The following PCDHGA10 variants were observed in gnomAD, a reference collection of about 807,000 sequenced individuals.
The protein encoded by PCDHGA10 is protocadherin gamma-A10.
Under a neutral mutation model 59.5 loss-of-function variants are expected in PCDHGA10, and 42 were observed. That is an observed-to-expected ratio of 0.71 (90% CI 0.55 to 0.91). The LOEUF (loss-of-function observed/expected upper bound fraction) is 0.91, where lower values mean the gene tolerates loss of function less well. Among genes scored for constraint, PCDHGA10 ranks in the 40% least tolerant of loss-of-function variants. PCDHGA10 has a pLI of 0.00. For synonymous variants in PCDHGA10, 511 were observed against 517.2 expected, an observed-to-expected ratio of 0.99 and a Z score of 0.16; for missense variants, 1,111 against 1,198.2, an observed-to-expected ratio of 0.93 and a Z score of 1.07.
chr5:141,473,887 C>T (rs887871337), intron 1 of PCDHGA10, among the ~76,000 whole-genome samples: 3 of 152,144 alleles, frequency 2.0e-5, no homozygotes, highest in Non-Finnish European at 2.9e-5. Context: ...CACAAGGGTT[C>T]TGTTGGTTCA....
chr5:141,490,652 C>A lies in PCDHGA10; in HGVS notation c.2437-4155C>A. ...ATCCTAGAAAACCGGCCTCCGGGCT[C>A]CCTTCTTTGCACTGTGGCTGCCTCA... On this transcript the variant is annotated intron_variant, in intron 1 of 3. Transcript: ENST00000398610. The surrounding 1 kb of genome is among the most constrained non-coding windows in gnomAD (Gnocchi z 5.4). 6.2e-7 allele frequency: 1 copy of A among 1,614,208 alleles called. No individual in the cohort carries two copies. Among genetic ancestry groups the A allele is most frequent in the Non-Finnish European group, 8.5e-7 (1 of 1,180,026 alleles).
rs2096315825 is a variant in PCDHGA10 at position 141,419,028 on chromosome 5, T to C, written c.2436+3417T>C. On this transcript the variant is annotated intron_variant, in intron 1 of 3. Coordinates refer to ENST00000398610, the MANE Select transcript of PCDHGA10 (RefSeq NM_018913.3). ...GTCAGGTGTAGCTTAAGTAGAGGTG[T>C]TCCATTTAAGATTCATTCTTCTTCT... 5.0e-6 allele frequency: 8 copies of C among 1,613,638 alleles called. No individual in the cohort carries two copies. The South Asian group carries it at 8.8e-5, about 18-fold the overall frequency.
intron 1 of PCDHGA10, chr5:141,478,760 C>T (rs1472984737): frequency 1.5e-5 from 23 of 1,510,888 alleles, no homozygotes; most frequent in Non-Finnish European, 1.9e-5. Context: ...GGGGAAGATA[C>T]TTGACTCATC....
In PCDHGA10 at chr5:141,476,718, C is replaced by T; in HGVS notation, c.2437-18089C>T. On this transcript the variant is annotated intron_variant, in intron 1 of 3. Transcript: ENST00000398610. The surrounding 1 kb of genome is among the most constrained non-coding windows in gnomAD (Gnocchi z 7.6). ...TACGCGGAGCTGGTGTTGGAGCGCG[C>T]CCTGGACCGAGAACGGGAGCCTAGT... The T allele has an allele frequency of 1.2e-6, 2 of 1,614,144 alleles. No individual in the cohort carries two copies. The highest frequency in any genetic ancestry group is 2.2e-5 in the East Asian group (1 of 44,874).
intron 1 of PCDHGA10, among the ~76,000 whole-genome samples, chr5:141,449,588 C>CAA (rs768743917): frequency 2.4e-4 from 14 of 57,430 alleles, no homozygotes; most frequent in Non-Finnish European, 3.7e-4. Flanking sequence ...GACTCTGTCT[C>CAA]AAAAAAAAAA....
At chr5:141,430,557 G>C (rs1161595629) in intron 1 of PCDHGA10, 5 of 412,906 alleles carry the variant, frequency 1.2e-5, no homozygotes, top group Non-Finnish European at 1.7e-5. Context: ...TTCACCAATC[G>C]GGGAGAGAAA....
In PCDHGA10 at chr5:141,494,860, C is replaced by T. The variant is rs372794752; in HGVS notation, c.2490C>T (p.Thr830=). Residue 830 remains threonine, a synonymous_variant, in exon 2 of 4, where the codon ACC becomes ACT. Coordinates refer to ENST00000398610, the MANE Select transcript of PCDHGA10 (RefSeq NM_018913.3). ...TCTCTCAGGCCCAGAGACCCGGCAC[C>T]AGCGGGTAGGTGACTGATTCTCCAG... ...WRFSQAQRPG[T]SGSQNGDDTG... 5.6e-6 allele frequency: 9 copies of T among 1,614,032 alleles called. No homozygotes were observed. Among genetic ancestry groups the T allele is most frequent in the Non-Finnish European group, 7.6e-6 (9 of 1,180,024 alleles).
chr5:141,481,401 CT>C (rs2099537157), intron 1 of PCDHGA10, among the ~76,000 whole-genome samples: 1 of 152,204 alleles, frequency 6.6e-6, no homozygotes, highest in African/African-American at 2.4e-5. Flanking sequence ...TGACAAAATT[CT>C]TGTATAATTA....
chr5:141,487,256 G>A lies in PCDHGA10; in HGVS notation c.2437-7551G>A. ...ATCTCGTCTAACCCTCTACTTGGCTGTGTCCCTAGTGGCAATTTGCTTTGT... is the reference window on the plus strand; with the variant it reads ...ATCTCGTCTAACCCTCTACTTGGCTATGTCCCTAGTGGCAATTTGCTTTGT... On this transcript the variant is annotated intron_variant, in intron 1 of 3. Transcript: ENST00000398610. The surrounding 1 kb of genome is among the most constrained non-coding windows in gnomAD (Gnocchi z 5.0). The A allele has an allele frequency of 6.2e-7, 1 of 1,614,166 alleles. No individual in the cohort carries two copies. The highest frequency in any genetic ancestry group is 8.5e-7 in the Non-Finnish European group (1 of 1,180,032).
intron 1 of PCDHGA10, among the ~76,000 whole-genome samples, chr5:141,459,109 C>A (rs1213203625): frequency 6.6e-6 from 1 of 152,174 alleles, no homozygotes; most frequent in Non-Finnish European, 1.5e-5. Context: ...TGCATTTTGA[C>A]AATTGTTTAC....
chr5:141,419,423 C>A, intron 1 of PCDHGA10: 1 of 1,613,368 alleles, frequency 6.2e-7, no homozygotes, highest in Non-Finnish European at 8.5e-7. Context: ...CGCCTTCGAC[C>A]ACGAGCAGCT....
At chr5:141,430,752 A>C (rs772436100) in intron 1 of PCDHGA10, 1 of 1,501,400 alleles carries the variant, frequency 6.7e-7, no homozygotes, top group East Asian at 2.3e-5. Context: ...TTCTGGAGGA[A>C]GATAAGAATG....
chr5:141,432,395 G>C lies in PCDHGA10; in HGVS notation c.2436+16784G>C, dbSNP rs748660079. The C allele has an allele frequency of 1.2e-6, 2 of 1,614,242 alleles. No homozygotes were observed. The highest frequency in any genetic ancestry group is 4.5e-5 in the East Asian group (2 of 44,882). On this transcript the variant is annotated intron_variant, in intron 1 of 3. Coordinates refer to ENST00000398610, the MANE Select transcript of PCDHGA10 (RefSeq NM_018913.3). The surrounding 1 kb of genome is among the most constrained non-coding windows in gnomAD (Gnocchi z 6.0). The stretch of plus-strand genomic sequence containing the variant: ...CGGGCACCCGCCCCTCAGCAGCAAC[G>C]TGTCGTTGAGCCTGTTCGTGCTGGA...
chr5:141,487,920 C>G lies in PCDHGA10; in HGVS notation c.2437-6887C>G, dbSNP rs561819225. On this transcript the variant is annotated intron_variant, in intron 1 of 3. Coordinates refer to ENST00000398610, the MANE Select transcript of PCDHGA10 (RefSeq NM_018913.3). This position sits in a 1 kb window ranked among gnomAD's most constrained non-coding sequence, Gnocchi z 5.0. ...TGGAATGTGGGAGCACAGGAGGCTA[C>G]AGTGCACAGGGTACAGTGCACCAGG... The G allele has an allele frequency of 4.7e-6, 3 of 644,662 alleles. No individual in the cohort carries two copies. The Admixed American group carries it at 8.5e-5, about 18-fold the overall frequency. 39.9% of individuals were successfully genotyped at this position (644,662 alleles called of 1,614,324 possible).
chr5:141,437,306 C>T (rs1462689998), intron 1 of PCDHGA10, among the ~76,000 whole-genome samples: 1 of 152,104 alleles, frequency 6.6e-6, no homozygotes, highest in Non-Finnish European at 1.5e-5. Flanking sequence ...CAAGTTAAAG[C>T]GTTCAGCTAT....
In PCDHGA10 at chr5:141,476,978, C is replaced by G; in HGVS notation, c.2437-17829C>G. 1.2e-6 allele frequency: 2 copies of G among 1,614,256 alleles called. No individual in the cohort carries two copies. Among genetic ancestry groups the G allele is most frequent in the Non-Finnish European group, 1.7e-6 (2 of 1,180,058 alleles). Reference sequence around the variant, plus strand: ...TATTTACTCCTTCGGCAGCCACAACCGCGCCGGCGTGCGGCAACTATTCGC... The same window carrying G: ...TATTTACTCCTTCGGCAGCCACAACGGCGCCGGCGTGCGGCAACTATTCGC... On this transcript the variant is annotated intron_variant, in intron 1 of 3. Transcript: ENST00000398610. This position sits in a 1 kb window ranked among gnomAD's most constrained non-coding sequence, Gnocchi z 7.6.
chr5:141,421,611 T>C lies in PCDHGA10; in HGVS notation c.2436+6000T>C, dbSNP rs747573417. 6.8e-6 allele frequency: 11 copies of C among 1,613,694 alleles called. No homozygotes were observed. The African/African-American group carries it at 1.3e-4, about 20-fold the overall frequency. On this transcript the variant is annotated intron_variant, in intron 1 of 3. Transcript: ENST00000398610. ...TGGAGGTGGAAATAATAGATATTAA[T>C]GATAACGCCCCCAGCTTCCAGGAGG...
rs554661873 is a variant in PCDHGA10, at chr5:141,487,723, T to C, written c.2437-7084T>C. ...GCCTCTCAGTAAGTGCCCATAGTGATGTCACCATTTTTGTAAGAGGTAACT... is the reference window on the plus strand; with the variant it reads ...GCCTCTCAGTAAGTGCCCATAGTGACGTCACCATTTTTGTAAGAGGTAACT... On this transcript the variant is annotated intron_variant, in intron 1 of 3. Transcript: ENST00000398610. The surrounding 1 kb of genome is among the most constrained non-coding windows in gnomAD (Gnocchi z 5.0). The C allele has an allele frequency of 2.6e-5, 41 of 1,574,932 alleles. No homozygotes were observed. Among genetic ancestry groups the C allele is most frequent in the Non-Finnish European group, 5.2e-6 (6 of 1,158,382 alleles).
chr5:141,465,800 C>G (rs1486100601), intron 1 of PCDHGA10, among the ~76,000 whole-genome samples: 2 of 151,524 alleles, frequency 1.3e-5, no homozygotes, highest in East Asian at 3.9e-4. Flanking sequence ...TTTAAGAAAC[C>G]CTTCAGGATC....
Sources: allele counts gnomAD v4.1 joint callset (sites outside exome capture counted in the v4.1 genomes callset), GRCh38; gene constraint gnomAD v4.1.1; non-coding constraint Gnocchi (gnomAD v3.1); transcripts MANE v1.5; gene names NCBI Gene and HGNC (gene_info 2026-07-23, HGNC 2026-07-21).